The following IRAG1 variants were observed in gnomAD, a reference collection of about 807,000 sequenced individuals.
IRAG1 encodes IP3R-associated cGMP kinase substrate.
Under a neutral mutation model 106.2 loss-of-function variants are expected in IRAG1, and 62 were observed. The observed-to-expected ratio is 0.58, with a 90% CI of 0.48 to 0.72. The LOEUF (loss-of-function observed/expected upper bound fraction) is 0.72, where lower values mean the gene tolerates loss of function less well. Ranked by LOEUF, IRAG1 falls within the 30% of genes least tolerant of loss-of-function variation. The probability of loss-of-function intolerance (pLI) is 0.00; values close to 1 mark genes in which losing one functional copy is unlikely to be tolerated. For missense variants in IRAG1, 1,064 were observed against 1,140.7 expected (o/e 0.93, Z 0.97); for synonymous variants, 462 against 443.9 (o/e 1.04, Z -0.51).
At chr11:10,690,183 A>G (rs1861954074) in intron 1 of IRAG1, 4 of 317,522 alleles carry the variant, frequency 1.3e-5, no homozygotes, top group Middle Eastern at 1.1e-3. Flanking sequence ...TGAGGTCAGG[A>G]GTTCGAGACC....
At position 10,609,819 on chromosome 11, in the gene IRAG1, C is replaced by G. The variant is rs767976588; in HGVS notation, c.1480G>C (p.Glu494Gln). Residue 494 changes from glutamate (E) to glutamine (Q), a missense_variant, in exon 11 of 21, where the codon GAA becomes CAA. Physicochemically the swap from Glu to Gln is conservative, Grantham distance 29. Transcript: ENST00000423302. ...TCTAAGCCACTCTTTGACTCTTCTTCCTCAATAGCTGGGGAGAGTTCAGAA... is the reference window on the plus strand; with the variant it reads ...TCTAAGCCACTCTTTGACTCTTCTTGCTCAATAGCTGGGGAGAGTTCAGAA... ...LPSELSPAIE[E>Q]EESKSGLDVM... 1.2e-6 allele frequency: 2 copies of G among 1,613,832 alleles called. No homozygotes were observed. Among genetic ancestry groups the G allele is most frequent in the Non-Finnish European group, 1.7e-6 (2 of 1,179,874 alleles).
intron 2 of IRAG1, among the ~76,000 whole-genome samples, chr11:10,634,337 T>G (rs1235600064): frequency 6.6e-6 from 1 of 152,254 alleles, no homozygotes; most frequent in Non-Finnish European, 1.5e-5. Flanking sequence ...TACAGTGTGA[T>G]GTTTTGATGT....
chr11:10,576,624 T>C (rs1399444814), intron 20 of IRAG1, 49 bp from the exon 21 acceptor site: 2 of 1,606,766 alleles, frequency 1.2e-6, no homozygotes, highest in Admixed American at 3.3e-5. Flanking sequence ...TGGGCACACA[T>C]ATGATACACA....
In IRAG1 at chr11:10,593,522, G is replaced by A; in HGVS notation, c.2145C>T (p.Ser715=). ...CTGGTAAGGAGGGAATGGATGATGA[G>A]CTGGGAGTTTGGCCAGGCAGATTCA... ...NALNLPGQTP[S]SSSIPSLPAL... is the part of the protein sequence containing the mutation. Residue 715 remains serine (S), a synonymous_variant, in exon 17 of 21, where the codon AGC becomes AGT. Transcript: ENST00000423302. 1 of 1,613,792 alleles carries A rather than the reference G, an allele frequency of 6.2e-7. No homozygotes were observed. Among genetic ancestry groups the A allele is most frequent in the East Asian group, 2.2e-5 (1 of 44,882 alleles).
chr11:10,674,405 G>A (rs1315871533), intron 1 of IRAG1, among the ~76,000 whole-genome samples: 2 of 152,170 alleles, frequency 1.3e-5, no homozygotes, highest in African/African-American at 4.8e-5. Context: ...AAATGGGGGT[G>A]ACACCTTTCA....
chr11:10,593,728 T>A, intron 16 of IRAG1, 129 bp from the exon 17 acceptor site: 1 of 716,376 alleles, frequency 1.4e-6, no homozygotes, highest in Non-Finnish European at 2.3e-6. Context: ...GGTTTTGCAG[T>A]AGCAATGATA....
In IRAG1 at chr11:10,576,139, G is replaced by C. The variant is rs1325451407; in HGVS notation, c.*193C>G. ...CTGGATGCTTTCCCAGGGCAGTTTT[G>C]TTGATCCTCCAAGAACATCAAGTCA... On this transcript the variant is annotated 3_prime_UTR_variant, in exon 21 of 21. Coordinates refer to ENST00000423302, the MANE Select transcript of IRAG1 (RefSeq NM_130385.4). The C allele has an allele frequency of 2.9e-6, 2 of 699,772 alleles. No individual in the cohort carries two copies. The highest frequency in any genetic ancestry group is 4.6e-6 in the Non-Finnish European group (2 of 433,880). 43.3% of individuals were successfully genotyped at this position (699,772 alleles called of 1,614,324 possible).
intron 16 of IRAG1, 168 bp downstream of exon 16, chr11:10,593,978 A>C: frequency 1.5e-6 from 1 of 646,520 alleles, no homozygotes; most frequent in Non-Finnish European, 2.7e-6. Context: ...ATGAGCAAGA[A>C]AGGTAAGATG....
chr11:10,679,715 C>A (rs1473692815), intron 1 of IRAG1, among the ~76,000 whole-genome samples: 1 of 152,222 alleles, frequency 6.6e-6, no homozygotes, highest in Non-Finnish European at 1.5e-5. Context: ...ATACCACTAA[C>A]CACTTATCCC....
At chr11:10,588,907 C>T (rs1461023723) in intron 18 of IRAG1, 1 of 152,174 alleles carries the variant, frequency 6.6e-6, no homozygotes, top group African/African-American at 2.4e-5. Context: ...GAACAAAAGA[C>T]TACAATTACA....
chr11:10,652,375 G>A, intron 1 of IRAG1, 193 bp from the exon 2 acceptor site: 1 of 1,409,716 alleles, frequency 7.1e-7, no homozygotes, highest in South Asian at 1.5e-5. Context: ...CAAAGTCAGA[G>A]GTGACCTTAG....
intron 2 of IRAG1, among the ~76,000 whole-genome samples, chr11:10,640,480 G>A (rs756536210): frequency 1.3e-5 from 2 of 152,184 alleles, no homozygotes; most frequent in African/African-American, 2.4e-5. Flanking sequence ...TGACAGAATC[G>A]TTGAGCAAGC....
intron 1 of IRAG1, among the ~76,000 whole-genome samples, chr11:10,692,882 A>G (rs574754821): frequency 6.6e-6 from 1 of 152,322 alleles, no homozygotes; most frequent in Admixed American, 6.5e-5. Context: ...CACTCTAGGA[A>G]TCGCTTCAAC....
chr11:10,670,352 T>C (rs1589953252), intron 1 of IRAG1, among the ~76,000 whole-genome samples: 1 of 152,244 alleles, frequency 6.6e-6, no homozygotes, highest in Admixed American at 6.5e-5. Flanking sequence ...TCATCCACCC[T>C]CCTTGACTTG....
chr11:10,627,205 C>G (rs1225906955), intron 8 of IRAG1, among the ~76,000 whole-genome samples: 2 of 152,164 alleles, frequency 1.3e-5, no homozygotes, highest in Non-Finnish European at 2.9e-5. Flanking sequence ...TGTGCTGAGA[C>G]TCTTCCAGAG....
chr11:10,650,954 A>T (rs1858436618), intron 2 of IRAG1, among the ~76,000 whole-genome samples: 1 of 152,244 alleles, frequency 6.6e-6, no homozygotes, highest in African/African-American at 2.4e-5. Context: ...AACAAATGCC[A>T]TCATAACATG....
At chr11:10,673,440 T>A (rs1010607743) in intron 1 of IRAG1, among the ~76,000 whole-genome samples, 3 of 152,114 alleles carry the variant, frequency 2.0e-5, no homozygotes, top group African/African-American at 7.2e-5. Context: ...AAAATGCCCA[T>A]AATAGAGAAA....
intron 10 of IRAG1, 108 bp downstream of exon 10, chr11:10,623,670 T>C: frequency 2.9e-6 from 3 of 1,030,328 alleles, no homozygotes; most frequent in Non-Finnish European, 4.4e-6. Flanking sequence ...CCAGCAAATG[T>C]TTCCTGAGGA....
intron 12 of IRAG1, among the ~76,000 whole-genome samples, chr11:10,606,040 T>A (rs779159407): frequency 6.6e-6 from 1 of 152,210 alleles, no homozygotes; most frequent in Non-Finnish European, 1.5e-5. Context: ...GCTGAAAGGA[T>A]GGCTATGCGT....
Sources: allele counts gnomAD v4.1 joint callset (sites outside exome capture counted in the v4.1 genomes callset), GRCh38; gene constraint gnomAD v4.1.1; transcripts MANE v1.5; gene names NCBI Gene and HGNC (gene_info 2026-07-23, HGNC 2026-07-21).